Variants in HPR observed in about 807,000 individuals in gnomAD.
HPR encodes haptoglobin-related protein, also known as Haptoglobin-related locus.
Under a neutral mutation model 18.5 loss-of-function variants are expected in HPR, and 17 were observed. That is an observed-to-expected ratio of 0.92 (90% CI 0.63 to 1.38). HPR has a LOEUF of 1.38. HPR is among the 40% of genes most tolerant of loss of function. The pLI is 0.00. For synonymous variants in HPR, 176 were observed against 165.0 expected, an observed-to-expected ratio of 1.07 and a Z score of -0.51; for missense variants, 457 against 432.4, an observed-to-expected ratio of 1.06 and a Z score of -0.51.
intron 1 of HPR, among the ~76,000 whole-genome samples, chr16:72,071,803 C>T (rs152838): frequency 0.93 from 141,406 of 152,204 alleles, 65,831 homozygotes; most frequent in East Asian, 0.98. Context: ...CCAGAAAAGA[C>T]AGAAACCAAA....
At chr16:72,064,773 C>G (rs1047405569) in intron 1 of HPR, among the ~76,000 whole-genome samples, 2 of 152,178 alleles carry the variant, frequency 1.3e-5, no homozygotes. Context: ...GCATTTGTTT[C>G]CAACAAATTT....
intron 1 of HPR, among the ~76,000 whole-genome samples, chr16:72,067,744 C>T (rs112351059): frequency 6.6e-6 from 1 of 152,100 alleles, no homozygotes; most frequent in African/African-American, 2.4e-5. Flanking sequence ...GCTTCTTGAA[C>T]CCTGTATGTC....
chr16:72,073,584 C>T (rs180723968), intron 1 of HPR, among the ~76,000 whole-genome samples: 21 of 152,236 alleles, frequency 1.4e-4, no homozygotes, highest in African/African-American at 4.8e-4. Flanking sequence ...GGCCCCTATA[C>T]CTATGTACCT....
At chr16:72,070,482 A>T (rs1433717353) in intron 1 of HPR, among the ~76,000 whole-genome samples, 1 of 152,188 alleles carries the variant, frequency 6.6e-6, no homozygotes, top group Non-Finnish European at 1.5e-5. Context: ...AAATACTAAG[A>T]CTGCAGTCCG....
Position 72,073,949 on chromosome 16 carries a change from C to G in HPR, c.63C>G (p.Tyr21Ter). Residue 21 changes from tyrosine to a stop codon, truncating the protein, a stop_gained, in exon 2 of 5, where the codon TAC becomes TAG. Transcript: ENST00000540303. LOFTEE classifies it high-confidence loss of function. Reference protein sequence around the residue: ...LLWGRQLFALYSGNDVTDISD... With the variant: ...LLWGRQLFAL ...GGGGACGACAGCTTTTTGCACTGTA[C>G]TCAGGCAATGATGTCACGGATATTT... The G allele has an allele frequency of 6.2e-7, 1 of 1,614,074 alleles. No individual in the cohort carries two copies. Among genetic ancestry groups the G allele is most frequent in the Non-Finnish European group, 8.5e-7 (1 of 1,180,012 alleles).
Position 72,076,871 on chromosome 16 carries a change from C to A in HPR, c.837C>A (p.His279Gln), listed in dbSNP as rs960335716. 1 of 1,614,136 alleles carries A rather than the reference C, an allele frequency of 6.2e-7. No homozygotes were observed. Among genetic ancestry groups the A allele is most frequent in the African/African-American group, 1.3e-5 (1 of 74,948 alleles). Residue 279 changes from histidine to glutamine, a missense_variant, in exon 5 of 5, where the codon CAC (histidine) becomes CAA (glutamine). Physicochemically the swap from His to Gln is conservative, Grantham distance 24 (BLOSUM62 0). Transcript: ENST00000540303. ...PVGVQPILNE[H>Q]TFCVGMSKYQ... The stretch of plus-strand genomic sequence containing the variant: ...GGGTGCAGCCCATACTGAACGAACA[C>A]ACCTTCTGTGTCGGCATGTCTAAGT...
chr16:72,076,064 C>CA (rs1186405530), intron 4 of HPR, among the ~76,000 whole-genome samples: 1 of 152,058 alleles, frequency 6.6e-6, no homozygotes, highest in Non-Finnish European at 1.5e-5. Flanking sequence ...AGCCAGGCCT[C>CA]AAAAAACTCA....
intron 1 of HPR, among the ~76,000 whole-genome samples, chr16:72,067,135 G>A (rs563698768): frequency 1.9e-4 from 29 of 152,134 alleles, no homozygotes; most frequent in Admixed American, 5.2e-4. Context: ...GGAGAGAGAA[G>A]CCCTTCCACT....
In HPR at chr16:72,076,923, G is replaced by A; in HGVS notation, c.889G>A (p.Ala297Thr). 1 of 1,614,244 alleles carries A rather than the reference G, an allele frequency of 6.2e-7. No homozygotes were observed. Among genetic ancestry groups the A allele is most frequent in the Non-Finnish European group, 8.5e-7 (1 of 1,180,048 alleles). Reference sequence around the variant, plus strand: ...CCAGGAAGACACCTGCTATGGCGATGCGGGCAGTGCCTTTGCCGTTCACGA... The same window carrying A: ...CCAGGAAGACACCTGCTATGGCGATACGGGCAGTGCCTTTGCCGTTCACGA... ...KYQEDTCYGD[A>T]GSAFAVHDLE... The change falls in exon 5 of 5, where the codon GCG becomes ACG. Residue 297 changes from alanine to threonine, a missense_variant. Transcript: ENST00000540303.
rs2041685837 is a variant in HPR, at chr16:72,073,899, G to A, written c.13G>A (p.Gly5Arg). The part of the protein sequence containing the change: MSDL[G>R]AVISLLLWGR... ...CTTGTTTTCTCTCTGCAGTGACCTG[G>A]GAGCTGTCATTTCCCTCCTGCTCTG... The change falls in exon 2 of 5, where the codon GGA becomes AGA. Residue 5 changes from glycine to arginine, a missense_variant. Coordinates refer to ENST00000540303, the MANE Select transcript of HPR (RefSeq NM_020995.4). The A allele has an allele frequency of 1.9e-6, 3 of 1,613,944 alleles. No homozygotes were observed. Among genetic ancestry groups the A allele is most frequent in the Admixed American group, 3.3e-5 (2 of 60,004 alleles).
intron 1 of HPR, among the ~76,000 whole-genome samples, chr16:72,067,892 T>C (rs949783706): frequency 1.3e-5 from 2 of 152,126 alleles, no homozygotes; most frequent in Non-Finnish European, 2.9e-5. Flanking sequence ...CTCAGCAAAA[T>C]TCCATATAAT....
chr16:72,067,397 A>T (rs2041609392), intron 1 of HPR, among the ~76,000 whole-genome samples: 1 of 152,186 alleles, frequency 6.6e-6, no homozygotes, highest in African/African-American at 2.4e-5. Flanking sequence ...ACAGAAGTCA[A>T]GTACCAAGAC....
intron 1 of HPR, among the ~76,000 whole-genome samples, chr16:72,070,296 T>C (rs1201353873): frequency 6.6e-6 from 1 of 152,164 alleles, no homozygotes; most frequent in African/African-American, 2.4e-5. Context: ...CCTCAAAAAT[T>C]ATATACTTGG....
At chr16:72,065,737 C>T (rs1449868296) in intron 1 of HPR, among the ~76,000 whole-genome samples, 1 of 152,132 alleles carries the variant, frequency 6.6e-6, no homozygotes, top group Non-Finnish European at 1.5e-5. Context: ...AGACTATGCT[C>T]TTTGTTGGAA....
chr16:72,067,063 G>C (rs184953171), intron 1 of HPR, among the ~76,000 whole-genome samples: 3 of 152,162 alleles, frequency 2.0e-5, no homozygotes, highest in Non-Finnish European at 4.4e-5. Flanking sequence ...GGAAGGACAA[G>C]ATAAGTGTTA....
At chr16:72,068,399 C>T (rs768671770) in intron 1 of HPR, among the ~76,000 whole-genome samples, 8 of 152,154 alleles carry the variant, frequency 5.3e-5, no homozygotes, top group East Asian at 1.9e-4. Flanking sequence ...TAGTTGGATA[C>T]TGCCGCTTAA....
rs188376503 is a variant in HPR at position 72,064,009 on chromosome 16, G to A, written c.5+749G>A. On this transcript the variant is annotated intron_variant, in intron 1 of 4. Coordinates refer to ENST00000540303, the MANE Select transcript of HPR (RefSeq NM_020995.4). ...CCTGTCTCGGCCTCCCAAAGTGTTG[G>A]GATTACAGGTGTGAGCCACCGCACC... Among the ~76,000 whole-genome samples the A allele has an allele frequency of 2.6e-5, 4 of 152,134 alleles. 1 individual carries two copies. The highest frequency in any genetic ancestry group is 2.6e-4 in the Admixed American group (4 of 15,268).
At chr16:72,064,976 ACT>A (rs1300847468) in intron 1 of HPR, among the ~76,000 whole-genome samples, 1 of 152,098 alleles carries the variant, frequency 6.6e-6, no homozygotes, top group Non-Finnish European at 1.5e-5. Context: ...TGGCCAGGTA[ACT>A]CTGTGCGCAG....
At position 72,076,888 on chromosome 16, in the gene HPR, T is replaced by C. The variant is rs1342036319; in HGVS notation, c.854T>C (p.Met285Thr). The C allele has an allele frequency of 6.2e-7, 1 of 1,614,100 alleles. No individual in the cohort carries two copies. The highest frequency in any genetic ancestry group is 2.2e-5 in the East Asian group (1 of 44,900). Reference sequence around the variant, plus strand: ...AACGAACACACCTTCTGTGTCGGCATGTCTAAGTACCAGGAAGACACCTGC... The same window carrying C: ...AACGAACACACCTTCTGTGTCGGCACGTCTAAGTACCAGGAAGACACCTGC... ...ILNEHTFCVG[M>T]SKYQEDTCYG... The change falls in exon 5 of 5, where the codon ATG (methionine) becomes ACG (threonine). Residue 285 changes from methionine (M) to threonine (T), a missense_variant. By Grantham distance (81) the Met-to-Thr change is moderately conservative. Coordinates refer to ENST00000540303, the MANE Select transcript of HPR (RefSeq NM_020995.4).
Sources: gnomAD v4.1 joint callset for allele counts (sites outside exome capture counted in the v4.1 genomes callset) on GRCh38, gnomAD v4.1.1 for gene constraint, MANE v1.5 for transcripts, NCBI Gene and HGNC (gene_info 2026-07-23, HGNC 2026-07-21) for gene names.